XYLT1: variants seen among roughly 807,000 people sequenced by gnomAD.
XYLT1 encodes the protein beta-D-xylosyltransferase 1.
A neutral mutation model predicts 91.3 loss-of-function variants in XYLT1; 36 were observed. The ratio of observed to expected loss-of-function variants is 0.39; its 90% CI spans 0.30 to 0.52. The LOEUF (loss-of-function observed/expected upper bound fraction) is 0.52. Among genes scored for constraint, XYLT1 ranks in the 20% least tolerant of loss-of-function variants. XYLT1 has a pLI of 0.68. For missense variants in XYLT1, 1,242 were observed against 1,284.5 expected, an observed-to-expected ratio of 0.97 and a Z score of 0.51; for synonymous variants, 588 against 532.0, an observed-to-expected ratio of 1.11 and a Z score of -1.45.
At chr16:17,170,420 T>C (rs1341625199) in intron 5 of XYLT1, among the ~76,000 whole-genome samples, 1 of 152,234 alleles carries the variant, frequency 6.6e-6, no homozygotes, top group African/African-American at 2.4e-5. Flanking sequence ...ATCAGCCTTA[T>C]GCCTATTTCT....
intron 1 of XYLT1, among the ~76,000 whole-genome samples, chr16:17,399,004 C>G (rs562804864): frequency 1.3e-5 from 2 of 152,032 alleles, no homozygotes; most frequent in Non-Finnish European, 2.9e-5. Flanking sequence ...GCCGCCACAC[C>G]TGGCTAATTA....
At chr16:17,188,501 G>A (rs901878254) in intron 5 of XYLT1, among the ~76,000 whole-genome samples, 2 of 152,082 alleles carry the variant, frequency 1.3e-5, no homozygotes, top group African/African-American at 4.8e-5. Flanking sequence ...TGCCTGCTTG[G>A]AACCTCCTCA....
chr16:17,244,046 C>T (rs1020508629), intron 3 of XYLT1, among the ~76,000 whole-genome samples: 1 of 152,074 alleles, frequency 6.6e-6, no homozygotes, highest in Non-Finnish European at 1.5e-5. Flanking sequence ...CTTTCCCAGT[C>T]GAGACAACCA....
chr16:17,128,084 GAA>G (rs1464592292), intron 9 of XYLT1, among the ~76,000 whole-genome samples: 1 of 152,178 alleles, frequency 6.6e-6, no homozygotes, highest in African/African-American at 2.4e-5. Flanking sequence ...GTACAACAAA[GAA>G]AGTGAAATGA....
At chr16:17,235,295 A>G (rs528835854) in intron 3 of XYLT1, among the ~76,000 whole-genome samples, 6 of 137,110 alleles carry the variant, frequency 4.4e-5, no homozygotes, top group Non-Finnish European at 9.1e-5. Flanking sequence ...CAGCCAAATC[A>G]TCATCATTAT....
At chr16:17,242,505 A>T (rs1278320389) in intron 3 of XYLT1, among the ~76,000 whole-genome samples, 1 of 152,122 alleles carries the variant, frequency 6.6e-6, no homozygotes, top group Non-Finnish European at 1.5e-5. Flanking sequence ...ATCTAGCCTC[A>T]CTCTGCAGGA....
At chr16:17,225,269 C>A (rs1327035810) in intron 3 of XYLT1, among the ~76,000 whole-genome samples, 1 of 152,152 alleles carries the variant, frequency 6.6e-6, no homozygotes, top group Non-Finnish European at 1.5e-5. Context: ...TAATCCCAGT[C>A]TCCATGGGCC....
intron 1 of XYLT1, among the ~76,000 whole-genome samples, chr16:17,376,008 C>A (rs1482053900): frequency 6.6e-6 from 1 of 152,264 alleles, no homozygotes; most frequent in Non-Finnish European, 1.5e-5. Context: ...AGAGCCTGTA[C>A]TGTTAATAAA....
chr16:17,259,362 T>C lies in XYLT1; in HGVS notation c.539A>G (p.Glu180Gly). ...TCTACTCGGTGGCTTCTTCGCCAAC[T>C]CAGGCTGGTGCTTCTGCTTTTGAGT... ...PRTQKQKHQPELAKKPPSRQK... is the reference protein window; with the variant it reads ...PRTQKQKHQPGLAKKPPSRQK... The change falls in exon 3 of 12, where the codon GAG (glutamate) becomes GGG (glycine). Residue 180 changes from glutamate to glycine, a missense_variant. By Grantham distance (98) the Glu-to-Gly change is moderately conservative (BLOSUM62 -2). This residue lies in a region of XYLT1 where 437 missense variants were observed against 411.5 expected (regional missense o/e 1.06). Coordinates refer to ENST00000261381, the MANE Select transcript of XYLT1 (RefSeq NM_022166.4). 1 of 1,614,170 alleles carries C rather than the reference T, an allele frequency of 6.2e-7. No individual in the cohort carries two copies. The highest frequency in any genetic ancestry group is 8.5e-7 in the Non-Finnish European group (1 of 1,180,030).
intron 10 of XYLT1, 55 bp from the exon 11 acceptor site, chr16:17,118,034 C>CT: frequency 6.5e-7 from 1 of 1,544,240 alleles, no homozygotes; most frequent in Non-Finnish European, 8.8e-7. Flanking sequence ...GGGGCTAGGT[C>CT]TCAGAAAGGT....
intron 1 of XYLT1, among the ~76,000 whole-genome samples, chr16:17,468,466 C>G (rs777178932): frequency 7.9e-5 from 12 of 152,210 alleles, no homozygotes; most frequent in Non-Finnish European, 1.3e-4. Flanking sequence ...CAGTTGGAAG[C>G]AGAGTTTCAG....
chr16:17,293,242 G>A (rs1180535525), intron 2 of XYLT1, among the ~76,000 whole-genome samples: 2 of 152,072 alleles, frequency 1.3e-5, no homozygotes, highest in Non-Finnish European at 2.9e-5. Context: ...AGGGTATCAT[G>A]GCATCCCCGA....
intron 6 of XYLT1, among the ~76,000 whole-genome samples, chr16:17,155,922 G>GC (rs757883639): frequency 4.6e-5 from 7 of 152,082 alleles, no homozygotes; most frequent in Non-Finnish European, 1.0e-4. Context: ...CAAAATTCAG[G>GC]CCCATTCTCC....
intron 3 of XYLT1, among the ~76,000 whole-genome samples, chr16:17,232,276 A>G (rs1471349643): frequency 7.0e-6 from 1 of 143,218 alleles, no homozygotes; most frequent in Non-Finnish European, 1.5e-5. Context: ...ATAATCTATT[A>G]TAATAAGATT....
intron 3 of XYLT1, among the ~76,000 whole-genome samples, chr16:17,208,392 T>C (rs966318469): frequency 2.0e-5 from 3 of 152,138 alleles, no homozygotes; most frequent in Non-Finnish European, 1.5e-5. Context: ...GTATCCCTTA[T>C]GTGAAATGCC....
At position 17,314,464 on chromosome 16, in the gene XYLT1, G is replaced by A. The variant is rs181634529; in HGVS notation, c.402+43548C>T. On this transcript the variant is annotated intron_variant, in intron 2 of 11. Coordinates refer to ENST00000261381, the MANE Select transcript of XYLT1 (RefSeq NM_022166.4). Reference sequence around the variant, plus strand: ...GAATATGCACTACAGGCTTCCCTTGGAGCATGAGAAGTACCTCTCTGACTC... The same window carrying A: ...GAATATGCACTACAGGCTTCCCTTGAAGCATGAGAAGTACCTCTCTGACTC... Among the ~76,000 whole-genome samples, 192 of 152,240 alleles carry A rather than the reference G, an allele frequency of 1.3e-3. No homozygotes were observed. The Middle Eastern group carries it at 0.02, about 16-fold the overall frequency.
rs1425514977 is a variant in XYLT1, at chr16:17,108,850, A to C, written c.2725T>G (p.Leu909Val). Residue 909 changes from leucine (L) to valine (V), a missense_variant, in exon 12 of 12, where the codon TTG becomes GTG. By Grantham distance (32) the Leu-to-Val change is conservative. Transcript: ENST00000261381. ...GTALEGWLDS[L>V]VGGMWTAMDI... ...ATGGCAGTCCACATCCCGCCCACCA[A>C]CGAGTCCAGCCATCCCTCCAGCGCT... 4 of 1,613,090 alleles carry C rather than the reference A, an allele frequency of 2.5e-6. No homozygotes were observed. The highest frequency in any genetic ancestry group is 4.5e-5 in the East Asian group (2 of 44,878).
rs550986700 is a variant in XYLT1 at position 17,144,211 on chromosome 16, A to G, written c.1371-2842T>C. On this transcript the variant is annotated intron_variant, in intron 6 of 11. Coordinates refer to ENST00000261381, the MANE Select transcript of XYLT1 (RefSeq NM_022166.4). ...TTTTGCTCATCACTCTGTGCCTGGC[A>G]CACAGTAAGTGCTTAGCGAGTATTC... 3.9e-5 allele frequency among the ~76,000 whole-genome samples: 6 copies of G among 152,332 alleles called. No homozygotes were observed. In the South Asian group the frequency reaches 8.3e-4, roughly 21 times the overall value.
intron 2 of XYLT1, among the ~76,000 whole-genome samples, chr16:17,326,149 C>CT (rs1306913752): frequency 1.3e-5 from 2 of 150,958 alleles, no homozygotes; most frequent in Non-Finnish European, 2.9e-5. Flanking sequence ...TCGTGTCCCC[C>CT]TTTTTTGGTG....
Sources: gnomAD v4.1 joint callset for allele counts (sites outside exome capture counted in the v4.1 genomes callset) on GRCh38, gnomAD v4.1.1 for gene constraint, gnomAD v4.1.1 regional missense constraint, MANE v1.5 for transcripts, NCBI Gene and HGNC (gene_info 2026-07-23, HGNC 2026-07-21) for gene names.